Variants in IL18RAP observed in about 807,000 individuals in gnomAD.
IL18RAP encodes the protein interleukin 18 receptor accessory protein, also known as interleukin-18 receptor accessory protein.
Under a neutral mutation model 58.1 loss-of-function variants are expected in IL18RAP, and 37 were observed. The observed-to-expected ratio is 0.64, with a 90% CI of 0.49 to 0.84. IL18RAP has a LOEUF of 0.84. IL18RAP is among the 40% of genes least tolerant of loss of function. The probability of loss-of-function intolerance (pLI) is 0.00; values close to 1 mark genes in which losing one functional copy is unlikely to be tolerated. For synonymous variants in IL18RAP, 268 were observed against 257.5 expected (o/e 1.04, Z -0.39); for missense variants, 667 against 704.8 (o/e 0.95, Z 0.61).
At chr2:102,443,970 T>C (rs1007677847) in intron 6 of IL18RAP, among the ~76,000 whole-genome samples, 5 of 152,108 alleles carry the variant, frequency 3.3e-5, no homozygotes, top group Non-Finnish European at 5.9e-5. Flanking sequence ...TTTGGAGCTA[T>C]CCAATCACAA....
chr2:102,442,487 G>GA (rs1683165468), intron 5 of IL18RAP, among the ~76,000 whole-genome samples: 1 of 151,862 alleles, frequency 6.6e-6, no homozygotes. Context: ...AAAGAAGGAG[G>GA]AAAAAATTAG....
In IL18RAP at chr2:102,452,296, C is replaced by A; in HGVS notation, c.*115C>A. Reference sequence around the variant, plus strand: ...GATAGGAAATTCAAAGAGTCTCCTGCCAGCACCAAGCAAGCTTGATGGACA... The same window carrying A: ...GATAGGAAATTCAAAGAGTCTCCTGACAGCACCAAGCAAGCTTGATGGACA... On this transcript the variant is annotated 3_prime_UTR_variant, in exon 10 of 10. Transcript: ENST00000687160. The A allele has an allele frequency of 5.8e-6, 6 of 1,030,650 alleles. No individual in the cohort carries two copies. Among genetic ancestry groups the A allele is most frequent in the Non-Finnish European group, 8.4e-6 (6 of 710,678 alleles). The allele number at this position is 1,030,650 out of a possible 1,614,324, so 63.8% of individuals were successfully genotyped here. A position where few individuals can be genotyped will look rare whatever the true frequency, so the allele number is the denominator to read the frequency against.
intron 6 of IL18RAP, 71 bp from the exon 7 acceptor site, chr2:102,445,118 G>A (rs1213887222): frequency 5.7e-6 from 8 of 1,407,556 alleles, no homozygotes; most frequent in African/African-American, 2.8e-5. Context: ...CTGCTTATAC[G>A]TGTTCCAAAT....
rs781511048 is a variant in IL18RAP at position 102,441,352 on chromosome 2, C to T, written c.771C>T (p.Val257=). The T allele has an allele frequency of 2.3e-5, 37 of 1,613,146 alleles. No homozygotes were observed. Among genetic ancestry groups the T allele is most frequent in the Middle Eastern group, 1.6e-4 (1 of 6,078 alleles). ...TKLKPDILDP[V]EDTLEVELGK... is the part of the protein sequence containing the mutation. ...TCAAACCAGATATTCTGGATCCTGT[C>T]GAGGACACACTGGAAGTAGAACTTG... is the stretch of plus-strand genomic sequence containing the variant. The change falls in exon 5 of 10, where the codon GTC becomes GTT. Residue 257 remains valine (V), a synonymous_variant. Transcript: ENST00000687160.
At chr2:102,425,596 T>G (rs1460874324) in intron 3 of IL18RAP, among the ~76,000 whole-genome samples, 4 of 152,234 alleles carry the variant, frequency 2.6e-5, no homozygotes, top group African/African-American at 7.2e-5. Flanking sequence ...AATAGTTTTG[T>G]TCATTATTTT....
rs749184803 is a variant in IL18RAP at position 102,445,321 on chromosome 2, A to G, written c.1053A>G (p.Gln351=). The change falls in exon 7 of 10, where the codon CAA becomes CAG. Residue 351 remains glutamine, a synonymous_variant. Coordinates refer to ENST00000687160, the MANE Select transcript of IL18RAP (RefSeq NM_001393487.1). ...NSIGNTTQSV[Q]LKEKRGVVLL... is the part of the protein sequence containing the mutation. ...TTGGAAACACAACCCAGTCCGTCCAACTGAAAGAAAAGAGAGGAGGTAAGC... is the reference window on the plus strand; with the variant it reads ...TTGGAAACACAACCCAGTCCGTCCAGCTGAAAGAAAAGAGAGGAGGTAAGC... 6.2e-6 allele frequency: 10 copies of G among 1,614,092 alleles called. No individual in the cohort carries two copies. The highest frequency in any genetic ancestry group is 1.6e-4 in the Middle Eastern group (1 of 6,084).
At chr2:102,439,627 G>A (rs555678043) in intron 4 of IL18RAP, 3 of 152,364 alleles carry the variant, frequency 2.0e-5, no homozygotes, top group Admixed American at 1.3e-4. Context: ...GCATGATAAT[G>A]GTTTTTACAT....
At chr2:102,437,566 G>T (rs1259353942) in intron 4 of IL18RAP, among the ~76,000 whole-genome samples, 1 of 152,154 alleles carries the variant, frequency 6.6e-6, no homozygotes, top group East Asian at 1.9e-4. Context: ...ATTCTCACAA[G>T]TTGGGTTGTC....
intron 4 of IL18RAP, among the ~76,000 whole-genome samples, chr2:102,437,618 A>G (rs2104347506): frequency 6.6e-6 from 1 of 152,328 alleles, no homozygotes; most frequent in African/African-American, 2.4e-5. Flanking sequence ...AAATTTAAAA[A>G]ATGTATGAAA....
At chr2:102,441,879 T>A (rs1436500736) in intron 5 of IL18RAP, among the ~76,000 whole-genome samples, 2 of 127,274 alleles carry the variant, frequency 1.6e-5, no homozygotes, top group Non-Finnish European at 3.4e-5. Context: ...CAGAGCAAGA[T>A]TCCATCTCAA....
chr2:102,452,476 C>T lies in IL18RAP; in HGVS notation c.*295C>T, dbSNP rs1683833686. 3 of 350,932 alleles carry T rather than the reference C, an allele frequency of 8.5e-6. No homozygotes were observed. The highest frequency in any genetic ancestry group is 1.5e-5 in the Non-Finnish European group (3 of 194,544). The allele number at this position is 350,932 out of a possible 1,614,324, so 21.7% of individuals were successfully genotyped here. A position where few individuals can be genotyped will look rare whatever the true frequency, so the allele number is the denominator to read the frequency against. On this transcript the variant is annotated 3_prime_UTR_variant, in exon 10 of 10. Transcript: ENST00000687160. ...AATCAGAAAATACAGCTACTTCTGC[C>T]TTATGGCTAGGGAACTGTCATGTCT... is the stretch of plus-strand genomic sequence containing the variant.
At chr2:102,440,972 C>T (rs531821790) in intron 4 of IL18RAP, among the ~76,000 whole-genome samples, 1 of 152,278 alleles carries the variant, frequency 6.6e-6, no homozygotes, top group South Asian at 2.1e-4. Flanking sequence ...AGTTCAATTA[C>T]TCAGCCAGAT....
chr2:102,437,277 C>A lies in IL18RAP; in HGVS notation c.645C>A (p.His215Gln). Reference protein sequence around the residue: ...RIVVDEVYDYHQGTYVCDYTQ... With the variant: ...RIVVDEVYDYQQGTYVCDYTQ... The stretch of plus-strand genomic sequence containing the variant: ...TAGTGGATGAAGTTTATGACTATCA[C>A]CAGGGCACATATGTATGTGATTACA... Residue 215 changes from histidine (H) to glutamine (Q), a missense_variant, in exon 4 of 10, where the codon CAC (histidine) becomes CAA (glutamine). Physicochemically the swap from His to Gln is conservative, Grantham distance 24 (BLOSUM62 0). Coordinates refer to ENST00000687160, the MANE Select transcript of IL18RAP (RefSeq NM_001393487.1). 1 of 1,613,690 alleles carries A rather than the reference C, an allele frequency of 6.2e-7. No individual in the cohort carries two copies. The highest frequency in any genetic ancestry group is 1.1e-5 in the South Asian group (1 of 90,996).
chr2:102,426,453 TA>T (rs1245927733), intron 3 of IL18RAP, among the ~76,000 whole-genome samples: 1 of 152,124 alleles, frequency 6.6e-6, no homozygotes, highest in Non-Finnish European at 1.5e-5. Context: ...TTCTTTATTT[TA>T]AAATTATTTT....
chr2:102,447,033 G>A (rs1229588311), intron 7 of IL18RAP, 37 bp from the exon 8 acceptor site: 1 of 1,605,050 alleles, frequency 6.2e-7, no homozygotes. Context: ...CAATCCCGCT[G>A]CCTCTATGTC....
At chr2:102,449,784 A>C (rs1573306533) in intron 8 of IL18RAP, among the ~76,000 whole-genome samples, 1 of 152,294 alleles carries the variant, frequency 6.6e-6, no homozygotes, top group East Asian at 1.9e-4. Context: ...TGTGGAAGGA[A>C]TAGAGGCAAC....
chr2:102,439,174 G>T (rs12987260), intron 4 of IL18RAP: 5,215 of 152,312 alleles, frequency 0.034, 97 homozygotes, highest in Middle Eastern at 0.092. Flanking sequence ...ATTTTAAGTG[G>T]GAGAATGTCG....
intron 3 of IL18RAP, among the ~76,000 whole-genome samples, chr2:102,431,526 C>T (rs74342136): frequency 0.027 from 4,135 of 152,158 alleles, 90 homozygotes; most frequent in Non-Finnish European, 0.044. Flanking sequence ...CTTTTTTCTT[C>T]CATCTTCCAA....
intron 4 of IL18RAP, chr2:102,440,397 C>T (rs1683028927): frequency 6.6e-6 from 1 of 152,204 alleles, no homozygotes; most frequent in African/African-American, 2.4e-5. Context: ...GCATAGGTGG[C>T]ACTGGTGAAT....
Sources: gnomAD v4.1 joint callset for allele counts (sites outside exome capture counted in the v4.1 genomes callset) on GRCh38, gnomAD v4.1.1 for gene constraint, MANE v1.5 for transcripts, NCBI Gene and HGNC (gene_info 2026-07-23, HGNC 2026-07-21) for gene names.